Variants in PITPNC1 observed in about 807,000 individuals in gnomAD.
PITPNC1 encodes the protein phosphatidylinositol transfer protein cytoplasmic 1.
A neutral mutation model predicts 44.7 loss-of-function variants in PITPNC1; 18 were observed. The ratio of observed to expected loss-of-function variants is 0.40; its 90% confidence interval spans 0.28 to 0.60. The LOEUF (loss-of-function observed/expected upper bound fraction) is 0.60. Among genes scored for constraint, PITPNC1 ranks in the 20% least tolerant of loss-of-function variants. PITPNC1 has a pLI of 0.39. For synonymous variants in PITPNC1, 141 were observed against 149.6 expected, an observed-to-expected ratio of 0.94 and a Z score of 0.42; for missense variants, 290 against 418.4, an observed-to-expected ratio of 0.69 and a Z score of 2.68.
At chr17:67,434,389 C>G (rs549766816) in intron 1 of PITPNC1, among the ~76,000 whole-genome samples, 1 of 152,324 alleles carries the variant, frequency 6.6e-6, no homozygotes, top group Admixed American at 6.5e-5. Context: ...CAAGAGGAAG[C>G]CTCCCACCCG....
chr17:67,534,638 C>T lies in PITPNC1; in HGVS notation c.197+1688C>T, dbSNP rs564384832. On this transcript the variant is annotated intron_variant, in intron 2 of 8. Transcript: ENST00000581322. ...TGGGTGACACAGTGAGACCTTGTCT[C>T]AAAAAAAAAGAAAAGAAAAGAAAAG... 1.6e-4 allele frequency among the ~76,000 whole-genome samples: 20 copies of T among 128,682 alleles called. No homozygotes were observed. In the South Asian group the frequency reaches 5.0e-3, roughly 32 times the overall value. 84.4% of individuals were successfully genotyped at this position (128,682 alleles called of 152,430 possible). A position where few individuals can be genotyped will look rare whatever the true frequency, so the allele number is the denominator to read the frequency against.
rs2039638385 is a variant in PITPNC1, at chr17:67,476,913, G to A, written c.49-55889G>A. On this transcript the variant is annotated intron_variant, in intron 1 of 8. Coordinates refer to ENST00000581322, the MANE Select transcript of PITPNC1 (RefSeq NM_012417.4). ...CCAGTCGCATCAGCATCACCTGCGA[G>A]CTTGTTAGAAATGCAGAGTCTCAGG... Among the ~76,000 whole-genome samples, 3 of 152,162 alleles carry A rather than the reference G, an allele frequency of 2.0e-5. No homozygotes were observed. The South Asian group carries it at 6.2e-4, about 32-fold the overall frequency.
At chr17:67,527,431 G>A (rs980943981) in intron 1 of PITPNC1, among the ~76,000 whole-genome samples, 5 of 152,238 alleles carry the variant, frequency 3.3e-5, no homozygotes, top group African/African-American at 1.2e-4. Flanking sequence ...GCGGCCGGGT[G>A]TAATGGCTCA....
chr17:67,581,957 C>T lies in PITPNC1; in HGVS notation c.366+3700C>T, dbSNP rs191607880. ...CTGAGGTTGGAGAATTGCTTGAACC[C>T]GGGAGGCAGAGGTTGCCGTGAGCAG... On this transcript the variant is annotated intron_variant, in intron 5 of 8. Transcript: ENST00000581322. 1.6e-4 allele frequency among the ~76,000 whole-genome samples: 24 copies of T among 152,076 alleles called. No individual in the cohort carries two copies. In the East Asian group the frequency reaches 4.1e-3, roughly 26 times the overall value.
intron 1 of PITPNC1, among the ~76,000 whole-genome samples, chr17:67,383,670 C>T (rs1225719941): frequency 6.6e-6 from 1 of 152,242 alleles, no homozygotes; most frequent in Non-Finnish European, 1.5e-5. Context: ...AAATGAGCGT[C>T]TCTCAAGAGA....
rs543071387 is a variant in PITPNC1, at chr17:67,525,810, C to T, written c.49-6992C>T. ...GGTGATGTGAAGAATGCAGGAAACTCCCAAGAAAGCCAAATGATATCACTC... is the reference window on the plus strand; with the variant it reads ...GGTGATGTGAAGAATGCAGGAAACTTCCAAGAAAGCCAAATGATATCACTC... On this transcript the variant is annotated intron_variant, in intron 1 of 8. Transcript: ENST00000581322. Among the ~76,000 whole-genome samples, 3 of 152,264 alleles carry T rather than the reference C, an allele frequency of 2.0e-5. 1 individual carries two copies. The highest frequency in any genetic ancestry group is 6.5e-5 in the Admixed American group (1 of 15,282).
intron 4 of PITPNC1, 117 bp from the exon 5 acceptor site, chr17:67,578,069 T>C (rs2041174031): frequency 1.3e-6 from 1 of 741,034 alleles, no homozygotes; most frequent in African/African-American, 1.7e-5. Flanking sequence ...TATCTTAACA[T>C]TTCTGTTCCG....
At chr17:67,567,753 T>C (rs1568043820) in intron 4 of PITPNC1, among the ~76,000 whole-genome samples, 1 of 152,064 alleles carries the variant, frequency 6.6e-6, no homozygotes, top group Non-Finnish European at 1.5e-5. Context: ...GGTGGGTGGA[T>C]CACGAGGTCA....
intron 6 of PITPNC1, among the ~76,000 whole-genome samples, chr17:67,660,715 T>G (rs1459526706): frequency 1.3e-5 from 2 of 151,264 alleles, no homozygotes; most frequent in Admixed American, 1.3e-4. Flanking sequence ...CTGGCTAATT[T>G]TTGTAGTTTT....
At chr17:67,691,250 T>C (rs1233908738) in intron 8 of PITPNC1, among the ~76,000 whole-genome samples, 1 of 152,230 alleles carries the variant, frequency 6.6e-6, no homozygotes, top group Non-Finnish European at 1.5e-5. Flanking sequence ...ATCTTCAACA[T>C]ATTATGTCTC....
chr17:67,538,135 T>G (rs2040554783), intron 2 of PITPNC1, among the ~76,000 whole-genome samples: 1 of 152,008 alleles, frequency 6.6e-6, no homozygotes, highest in South Asian at 2.1e-4. Context: ...GTTAAACTCA[T>G]GGAACAAAGT....
intron 5 of PITPNC1, among the ~76,000 whole-genome samples, chr17:67,579,667 G>A (rs140221982): frequency 5.0e-5 from 7 of 139,580 alleles, no homozygotes; most frequent in Non-Finnish European, 9.0e-5. Context: ...GCCTGGGCGC[G>A]GTAGCTCACG....
chr17:67,555,210 C>T (rs965379035), intron 4 of PITPNC1, among the ~76,000 whole-genome samples: 22 of 152,162 alleles, frequency 1.4e-4, no homozygotes, highest in African/African-American at 5.3e-4. Flanking sequence ...ATCCCTCCTT[C>T]CTAGAGATGT....
intron 6 of PITPNC1, among the ~76,000 whole-genome samples, chr17:67,641,271 C>T (rs764343731): frequency 5.3e-5 from 8 of 152,060 alleles, no homozygotes; most frequent in Non-Finnish European, 1.2e-4. Flanking sequence ...AAAAAAATTC[C>T]GACATGATAC....
chr17:67,484,270 G>A lies in PITPNC1; in HGVS notation c.49-48532G>A, dbSNP rs556336026. Among the ~76,000 whole-genome samples, 13 of 152,190 alleles carry A rather than the reference G, an allele frequency of 8.5e-5. No individual in the cohort carries two copies. The East Asian group carries it at 2.3e-3, about 27-fold the overall frequency. On this transcript the variant is annotated intron_variant, in intron 1 of 8. Coordinates refer to ENST00000581322, the MANE Select transcript of PITPNC1 (RefSeq NM_012417.4). ...TTTCTTGCCTGTGAGATGTGCATAA[G>A]ACCCAGCTCAGAGAGTTGTTGTTGG...
At chr17:67,584,039 G>A (rs907749197) in intron 5 of PITPNC1, among the ~76,000 whole-genome samples, 2 of 151,828 alleles carry the variant, frequency 1.3e-5, no homozygotes, top group Admixed American at 6.6e-5. Context: ...ATGCCCGGCC[G>A]GCATTGGGAT....
intron 1 of PITPNC1, among the ~76,000 whole-genome samples, chr17:67,401,016 C>A (rs2143820737): frequency 6.6e-6 from 1 of 152,048 alleles, no homozygotes; most frequent in South Asian, 2.1e-4. Flanking sequence ...ATCACTGCAA[C>A]CTCCACCTCC....
intron 2 of PITPNC1, among the ~76,000 whole-genome samples, chr17:67,545,776 G>GA (rs2040671812): frequency 6.6e-6 from 1 of 152,024 alleles, no homozygotes; most frequent in South Asian, 2.1e-4. Flanking sequence ...CACATACACA[G>GA]ACGGAGAGAC....
intron 1 of PITPNC1, among the ~76,000 whole-genome samples, chr17:67,454,327 C>T (rs1469760317): frequency 1.3e-5 from 2 of 151,798 alleles, no homozygotes; most frequent in African/African-American, 2.4e-5. Context: ...AGCTCAACAA[C>T]TTATTAACTA....
Sources: gnomAD v4.1 joint callset for allele counts (sites outside exome capture counted in the v4.1 genomes callset) on GRCh38, gnomAD v4.1.1 for gene constraint, MANE v1.5 for transcripts, NCBI Gene and HGNC (gene_info 2026-07-23, HGNC 2026-07-21) for gene names.